The following PTPRN2 variants were observed in gnomAD, a reference collection of about 807,000 sequenced individuals.
PTPRN2 encodes receptor-type tyrosine-protein phosphatase N2.
A neutral mutation model predicts 118.8 loss-of-function variants in PTPRN2; 74 were observed. The ratio of observed to expected loss-of-function variants is 0.62; its 90% CI spans 0.52 to 0.76. The LOEUF (loss-of-function observed/expected upper bound fraction) is 0.76. Among genes scored for constraint, PTPRN2 ranks in the 30% least tolerant of loss-of-function variants. The probability of loss-of-function intolerance (pLI) is 0.00; values close to 1 mark genes in which losing one functional copy is unlikely to be tolerated. For synonymous variants in PTPRN2, 641 were observed against 608.0 expected, an observed-to-expected ratio of 1.05 and a Z score of -0.80; for missense variants, 1,481 against 1,394.4, an observed-to-expected ratio of 1.06 and a Z score of -0.99.
At chr7:158,524,462 TGGAGC>T (rs1824607865) in intron 1 of PTPRN2, among the ~76,000 whole-genome samples, 2 of 126,116 alleles carry the variant, frequency 1.6e-5, no homozygotes, top group Non-Finnish European at 3.2e-5. Flanking sequence ...GAGTCTGCCC[TGGAGC>T]GGAGTCTGCC....
chr7:158,142,158 C>T (rs1422129715), intron 6 of PTPRN2, among the ~76,000 whole-genome samples: 1 of 152,246 alleles, frequency 6.6e-6, no homozygotes, highest in Non-Finnish European at 1.5e-5. Flanking sequence ...AGTGAACAGT[C>T]ACCCACTCCA....
intron 12 of PTPRN2, among the ~76,000 whole-genome samples, chr7:157,751,537 C>T (rs1320547345): frequency 6.6e-6 from 1 of 152,136 alleles, no homozygotes. Context: ...CGGGAGGTGT[C>T]TCTGTCCTCG....
At chr7:158,095,720 C>T (rs1291364933) in intron 10 of PTPRN2, among the ~76,000 whole-genome samples, 1 of 152,214 alleles carries the variant, frequency 6.6e-6, no homozygotes, top group African/African-American at 2.4e-5. Context: ...GCCCTGCCTT[C>T]AAGGAGCGTA....
At chr7:157,665,821 C>G (rs543800652) in intron 13 of PTPRN2, among the ~76,000 whole-genome samples, 94 of 152,302 alleles carry the variant, frequency 6.2e-4, no homozygotes, top group African/African-American at 2.2e-3. Flanking sequence ...AGGATGAGTT[C>G]ATGTTCTTTG....
At chr7:158,065,557 G>A (rs192351150) in intron 11 of PTPRN2, among the ~76,000 whole-genome samples, 23 of 152,326 alleles carry the variant, frequency 1.5e-4, no homozygotes, top group Non-Finnish European at 2.6e-4. Context: ...AGTGGCTGGC[G>A]GGGCAGATGG....
chr7:158,577,474 T>C (rs1828396556), intron 1 of PTPRN2, among the ~76,000 whole-genome samples: 1 of 140,364 alleles, frequency 7.1e-6, no homozygotes, highest in Non-Finnish European at 1.5e-5. Context: ...ACAGACAGCA[T>C]GGGGCCTGCA....
intron 12 of PTPRN2, among the ~76,000 whole-genome samples, chr7:157,734,269 AGTGCAGTCTTCCGTCCCATGCG>A (rs1406286462): frequency 9.9e-5 from 7 of 70,596 alleles, no homozygotes; most frequent in Non-Finnish European, 2.2e-4. Context: ...CCATGTGCCC[AGTGCAGTCTTCCGTCCCATGCG>A]CCCAGTGCAG....
chr7:157,878,145 T>G (rs533205603), intron 12 of PTPRN2, among the ~76,000 whole-genome samples: 3 of 152,302 alleles, frequency 2.0e-5, no homozygotes, highest in African/African-American at 7.2e-5. Context: ...GAGCAAAGAT[T>G]CAGTTCCCCA....
Position 157,587,322 on chromosome 7 carries a change from C to T in PTPRN2, c.2496+7916G>A, listed in dbSNP as rs192692965. On this transcript the variant is annotated intron_variant, in intron 17 of 22. Coordinates refer to ENST00000389418, the MANE Select transcript of PTPRN2 (RefSeq NM_002847.5). This position sits in a 1 kb window ranked among gnomAD's most constrained non-coding sequence, Gnocchi z 5.3. ...GTGCCGGGTGGTGGGCGGCCCTGCA[C>T]GGTGACAGTCAGCTGTCAACTGTCA... 1.2e-3 allele frequency among the ~76,000 whole-genome samples: 181 copies of T among 152,128 alleles called. 1 individual carries two copies. Among genetic ancestry groups the T allele is most frequent in the Non-Finnish European group, 2.0e-3 (133 of 68,034 alleles).
chr7:158,404,944 CCCCAGCT>C lies in PTPRN2; in HGVS notation c.163+84784_163+84790del, dbSNP rs1201694317. Among the ~76,000 whole-genome samples the C allele has an allele frequency of 2.1e-5, 3 of 145,472 alleles. No homozygotes were observed. The East Asian group carries it at 6.3e-4, about 30-fold the overall frequency. On this transcript the variant is annotated intron_variant, in intron 2 of 22. Coordinates refer to ENST00000389418, the MANE Select transcript of PTPRN2 (RefSeq NM_002847.5). ...GGCTCCCAGCTCCCCGGCCCCAGCT[CCCCAGCT>C]CCCAGCTCCCTGGCCTCCAGCTCCT...
At chr7:157,798,914 A>G (rs1010394457) in intron 12 of PTPRN2, among the ~76,000 whole-genome samples, 2 of 152,114 alleles carry the variant, frequency 1.3e-5, no homozygotes, top group Non-Finnish European at 2.9e-5. Flanking sequence ...ACTTCTTCTC[A>G]GCACCTGTGC....
At position 157,544,079 on chromosome 7, in the gene PTPRN2, A is replaced by ACGGAGAGAGGTGAAGAGAGG. The variant is rs1563198687; in HGVS notation, c.2977-3314_2977-3295dup. On this transcript the variant is annotated intron_variant, in intron 22 of 22. Transcript: ENST00000389418. ...GAGAGACGGAGAGAGGTGGAGAGAG[A>ACGGAGAGAGGTGAAGAGAGG]CGGAGAGAGGTGAAGAGAGGCGGAG... Among the ~76,000 whole-genome samples the ACGGAGAGAGGTGAAGAGAGG allele has an allele frequency of 6.4e-4, 95 of 149,592 alleles. 1 individual carries two copies. The East Asian group carries it at 0.016, about 26-fold the overall frequency.
chr7:158,276,800 G>T (rs542739884), intron 3 of PTPRN2, among the ~76,000 whole-genome samples: 1 of 152,308 alleles, frequency 6.6e-6, no homozygotes, highest in Non-Finnish European at 1.5e-5. Flanking sequence ...ACGCTCAGCT[G>T]GCAGGATATG....
intron 1 of PTPRN2, among the ~76,000 whole-genome samples, chr7:158,497,756 T>C (rs1272493192): frequency 6.6e-6 from 1 of 152,202 alleles, no homozygotes; most frequent in African/African-American, 2.4e-5. Flanking sequence ...CGCTGGCAAG[T>C]TCAGGCCAAG....
intron 1 of PTPRN2, among the ~76,000 whole-genome samples, chr7:158,549,521 C>T (rs1309241564): frequency 6.6e-6 from 1 of 152,262 alleles, no homozygotes; most frequent in East Asian, 1.9e-4. Context: ...CCGTAAGCTA[C>T]GGAGGTTCTG....
intron 12 of PTPRN2, among the ~76,000 whole-genome samples, chr7:157,817,492 C>T (rs1344188202): frequency 1.3e-5 from 2 of 152,204 alleles, no homozygotes; most frequent in Non-Finnish European, 2.9e-5. Flanking sequence ...ACCCCAGAGC[C>T]ACCATCACGG....
chr7:158,332,796 C>A (rs1804762652), intron 2 of PTPRN2, among the ~76,000 whole-genome samples: 1 of 151,922 alleles, frequency 6.6e-6, no homozygotes, highest in African/African-American at 2.4e-5. Context: ...GAGCTGATGC[C>A]TGCAGACGTC....
At position 158,015,896 on chromosome 7, in the gene PTPRN2, A is replaced by G. The variant is rs1001698322; in HGVS notation, c.1723+65402T>C. ...GGGAACAAAAGGGTCAGCTTCCGCT[A>G]AGAAAGCCTCAGCCACGTCCCTGGG... On this transcript the variant is annotated intron_variant, in intron 11 of 22. Transcript: ENST00000389418. The surrounding 1 kb of genome is among the most constrained non-coding windows in gnomAD (Gnocchi z 4.2). Among the ~76,000 whole-genome samples, 35 of 152,198 alleles carry G rather than the reference A, an allele frequency of 2.3e-4. No homozygotes were observed. The highest frequency in any genetic ancestry group is 2.2e-4 in the Non-Finnish European group (15 of 68,034).
chr7:158,146,395 A>G (rs952622711), intron 6 of PTPRN2, among the ~76,000 whole-genome samples: 5 of 152,148 alleles, frequency 3.3e-5, no homozygotes, highest in Non-Finnish European at 5.9e-5. Flanking sequence ...TTGGGCATCT[A>G]TTGTGATCAA....
Sources: gnomAD v4.1 joint callset for allele counts (sites outside exome capture counted in the v4.1 genomes callset) on GRCh38, gnomAD v4.1.1 for gene constraint, Gnocchi (gnomAD v3.1) non-coding constraint, MANE v1.5 for transcripts, NCBI Gene and HGNC (gene_info 2026-07-23, HGNC 2026-07-21) for gene names.